ELAVL3: variants seen among roughly 807,000 people sequenced by gnomAD.
ELAVL3 encodes ELAV-like protein 3.
In ELAVL3, 8 loss-of-function variants were observed where a neutral mutation model predicts 34.2. The ratio of observed to expected loss-of-function variants is 0.23; its 90% CI spans 0.14 to 0.42. The LOEUF (loss-of-function observed/expected upper bound fraction) is 0.42. Among genes scored for constraint, ELAVL3 ranks in the 10% least tolerant of loss-of-function variants. ELAVL3 has a pLI of 1.00. For missense variants in ELAVL3, 273 were observed against 518.8 expected (o/e 0.53, Z 4.60); for synonymous variants, 209 against 222.1 (o/e 0.94, Z 0.53).
At chr19:11,460,345 C>T (rs189889659) in intron 3 of ELAVL3, among the ~76,000 whole-genome samples, 126 of 150,278 alleles carry the variant, frequency 8.4e-4, no homozygotes, top group African/African-American at 2.7e-3. Flanking sequence ...CCCCCTGCTC[C>T]CATCCCCCAC....
At position 11,466,515 on chromosome 19, in the gene ELAVL3, G is replaced by A. The variant is rs752020455; in HGVS notation, c.229+93C>T. On this transcript the variant is annotated intron_variant, in intron 2 of 6. Coordinates refer to ENST00000359227, the MANE Select transcript of ELAVL3 (RefSeq NM_001420.4). The surrounding 1 kb of genome is among the most constrained non-coding windows in gnomAD (Gnocchi z 5.0). ...ACCACCTCCTGCCTCGATTACCCCC[G>A]AGACACCTCAGCAAGGGTCCCACCT... The A allele has an allele frequency of 6.3e-6, 9 of 1,424,500 alleles. No homozygotes were observed. The highest frequency in any genetic ancestry group is 2.3e-5 in the East Asian group (1 of 43,760). 88.2% of individuals were successfully genotyped at this position (1,424,500 alleles called of 1,614,324 possible). A position where few individuals can be genotyped will look rare whatever the true frequency, so the allele number is the denominator to read the frequency against.
chr19:11,469,301 A>G (rs1022955968), intron 1 of ELAVL3, among the ~76,000 whole-genome samples: 2 of 150,416 alleles, frequency 1.3e-5, no homozygotes, highest in Non-Finnish European at 3.0e-5. Context: ...GGGAGGGGGG[A>G]CGGAGTTTCG....
chr19:11,463,642 G>A (rs1180610755), intron 3 of ELAVL3, among the ~76,000 whole-genome samples: 2 of 152,056 alleles, frequency 1.3e-5, no homozygotes, highest in Middle Eastern at 3.2e-3. Flanking sequence ...GTCACAGCCG[G>A]AGTCACAGTG....
chr19:11,479,009 G>A (rs1188083794), intron 1 of ELAVL3, among the ~76,000 whole-genome samples: 1 of 152,146 alleles, frequency 6.6e-6, no homozygotes, highest in Non-Finnish European at 1.5e-5. Flanking sequence ...CTGTCCCCAT[G>A]ATACATCTCT....
chr19:11,458,096 G>A lies in ELAVL3; in HGVS notation c.678C>T (p.Tyr226=), dbSNP rs780654110. Residue 226 remains tyrosine, a synonymous_variant, in exon 5 of 7, where the codon TAC becomes TAT. Transcript: ENST00000359227. This position sits in a 1 kb window ranked among gnomAD's most constrained non-coding sequence, Gnocchi z 7.3. ...GGGTCTGATGGTGTAGGGGGCCTGC[G>A]TAGCGCCGGGCGGATGACTGGTAGA... ...THLYQSSARR[Y]AGPLHHQTQR... 8 of 1,613,610 alleles carry A rather than the reference G, an allele frequency of 5.0e-6. No homozygotes were observed. The Admixed American group carries it at 5.0e-5, about 10-fold the overall frequency.
At chr19:11,455,980 T>C (rs951653582) in intron 6 of ELAVL3, among the ~76,000 whole-genome samples, 7 of 152,164 alleles carry the variant, frequency 4.6e-5, no homozygotes, top group African/African-American at 1.4e-4. Context: ...AACTACTCGC[T>C]CCTTCTGGCC....
In ELAVL3 at chr19:11,454,681, G is replaced by A. The variant is rs1407664102; in HGVS notation, c.949C>T (p.Arg317Cys). 2 of 1,614,214 alleles carry A rather than the reference G, an allele frequency of 1.2e-6. No individual in the cohort carries two copies. The highest frequency in any genetic ancestry group is 2.2e-5 in the East Asian group (1 of 44,880). Residue 317 changes from arginine (R) to cysteine (C), a missense_variant, in exon 7 of 7, where the codon CGT becomes TGT. Coordinates refer to ENST00000359227, the MANE Select transcript of ELAVL3 (RefSeq NM_001420.4). The surrounding 1 kb of genome is among the most constrained non-coding windows in gnomAD (Gnocchi z 9.2). ...TTGCACTTGTTGGTGGTGAAATCAC[G>A]GATGACCTTGACGTTGGTGACTGCC... ...FGAVTNVKVI[R>C]DFTTNKCKGF...
Position 11,451,803 on chromosome 19 carries a change from G to GC in ELAVL3, c.*2722_*2723insG, listed in dbSNP as rs1362216125. The GC allele has an allele frequency of 2.7e-5, 4 of 149,980 alleles. No individual in the cohort carries two copies. The highest frequency in any genetic ancestry group is 9.8e-5 in the African/African-American group (4 of 41,000). 9.3% of individuals were successfully genotyped at this position (149,980 alleles called of 1,614,324 possible). On this transcript the variant is annotated 3_prime_UTR_variant, in exon 7 of 7. Coordinates refer to ENST00000359227, the MANE Select transcript of ELAVL3 (RefSeq NM_001420.4). ...GGTGGCAGGGGCCTAGGCCTCGGTG[G>GC]GGGGGGGGTGTGTGGGGAGGTGCCC...
chr19:11,454,449 TTCTCTCTCTCTCTCTCTCTTTC>T lies in ELAVL3; in HGVS notation c.*55_*76del. 3.8e-6 allele frequency: 4 copies of T among 1,053,910 alleles called. No individual in the cohort carries two copies. Among genetic ancestry groups the T allele is most frequent in the Non-Finnish European group, 5.1e-6 (4 of 783,030 alleles). 65.3% of individuals were successfully genotyped at this position (1,053,910 alleles called of 1,614,324 possible). A position where few individuals can be genotyped will look rare whatever the true frequency, so the allele number is the denominator to read the frequency against. On this transcript the variant is annotated 3_prime_UTR_variant, in exon 7 of 7. Transcript: ENST00000359227. This position sits in a 1 kb window ranked among gnomAD's most constrained non-coding sequence, Gnocchi z 9.2. Reference sequence around the variant, plus strand: ...GCCTGTGCTGTCTCTCTTGGGCCCCTTCTCTCTCTCTCTCTCTCTTTCTCTCTCTCTCTCTCTGCTGCCCGGG... The same window carrying T: ...GCCTGTGCTGTCTCTCTTGGGCCCCTTCTCTCTCTCTCTCTGCTGCCCGGG...
chr19:11,471,319 A>T (rs976193412), intron 1 of ELAVL3, among the ~76,000 whole-genome samples: 46 of 130,858 alleles, frequency 3.5e-4, no homozygotes, highest in African/African-American at 1.3e-3. Flanking sequence ...CAAAAAAAAA[A>T]ATTTTTTTTT....
intron 1 of ELAVL3, among the ~76,000 whole-genome samples, chr19:11,479,637 CCCCCGGGG>C (rs1227138778): frequency 6.6e-6 from 1 of 151,404 alleles, no homozygotes; most frequent in Non-Finnish European, 1.5e-5. Flanking sequence ...CGAGGCCGGG[CCCCCGGGG>C]CCCTGGGGGC....
chr19:11,456,249 C>G (rs968280302), intron 6 of ELAVL3, among the ~76,000 whole-genome samples: 2 of 151,664 alleles, frequency 1.3e-5, no homozygotes, highest in Non-Finnish European at 2.9e-5. Flanking sequence ...GGATTACAGG[C>G]GCCTGCCACC....
intron 1 of ELAVL3, among the ~76,000 whole-genome samples, chr19:11,467,404 A>G (rs1335703044): frequency 6.6e-6 from 1 of 152,134 alleles, no homozygotes; most frequent in Non-Finnish European, 1.5e-5. Context: ...CCTGGGCAAC[A>G]GGAGTGAAAT....
In ELAVL3 at chr19:11,466,849, C is replaced by G. The variant is rs1392888867; in HGVS notation, c.10-22G>C. ...TCTGCTGGAGATAACAGGTCGCATC[C>G]GCTCACCGCCCAGTCCCCACACCAG... On this transcript the variant is annotated intron_variant, in intron 1 of 6. Coordinates refer to ENST00000359227, the MANE Select transcript of ELAVL3 (RefSeq NM_001420.4). The surrounding 1 kb of genome is among the most constrained non-coding windows in gnomAD (Gnocchi z 5.0). The G allele has an allele frequency of 5.8e-6, 9 of 1,563,234 alleles. No homozygotes were observed. The highest frequency in any genetic ancestry group is 7.8e-6 in the Non-Finnish European group (9 of 1,151,688).
chr19:11,474,010 C>G (rs569546944), intron 1 of ELAVL3, among the ~76,000 whole-genome samples: 5 of 152,122 alleles, frequency 3.3e-5, no homozygotes, highest in African/African-American at 1.2e-4. Flanking sequence ...ATCCATCATC[C>G]GTACCTCATA....
rs951723227 is a variant in ELAVL3 at position 11,454,975 on chromosome 19, C to A, written c.753-98G>T. The stretch of plus-strand genomic sequence containing the variant: ...TTTATGACCCCTGACTGTGCCATGA[C>A]CTTGGAATGGTGTGACCCCTGCAAT... On this transcript the variant is annotated intron_variant, in intron 6 of 6. Transcript: ENST00000359227. This position sits in a 1 kb window ranked among gnomAD's most constrained non-coding sequence, Gnocchi z 9.2. The A allele has an allele frequency of 2.6e-5, 36 of 1,361,728 alleles. No individual in the cohort carries two copies. Among genetic ancestry groups the A allele is most frequent in the Non-Finnish European group, 3.4e-5 (34 of 1,005,442 alleles). 84.4% of individuals were successfully genotyped at this position (1,361,728 alleles called of 1,614,324 possible).
chr19:11,480,546 TG>T lies in ELAVL3; in HGVS notation c.9+53del. The T allele has an allele frequency of 7.0e-7, 1 of 1,427,824 alleles. No individual in the cohort carries two copies. Among genetic ancestry groups the T allele is most frequent in the Non-Finnish European group, 9.3e-7 (1 of 1,076,498 alleles). 88.4% of individuals were successfully genotyped at this position (1,427,824 alleles called of 1,614,324 possible). On this transcript the variant is annotated intron_variant, in intron 1 of 6. Coordinates refer to ENST00000359227, the MANE Select transcript of ELAVL3 (RefSeq NM_001420.4). This position sits in a 1 kb window ranked among gnomAD's most constrained non-coding sequence, Gnocchi z 6.8. ...GCACCCGCCCAATCTCCGCGGAGCC[TG>T]GGCCCAACTCCTCCCCGTCCCGATT... is the stretch of plus-strand genomic sequence containing the variant.
Position 11,458,340 on chromosome 19 carries a change from C to A in ELAVL3, c.488-54G>T, listed in dbSNP as rs1970813494. 1.9e-6 allele frequency: 3 copies of A among 1,607,086 alleles called. No individual in the cohort carries two copies. The highest frequency in any genetic ancestry group is 2.6e-6 in the Non-Finnish European group (3 of 1,175,908). On this transcript the variant is annotated intron_variant, in intron 4 of 6. Coordinates refer to ENST00000359227, the MANE Select transcript of ELAVL3 (RefSeq NM_001420.4). The surrounding 1 kb of genome is among the most constrained non-coding windows in gnomAD (Gnocchi z 7.3). ...ACGACCCTGTCCCCTCCTGTGTAAC[C>A]CCACTTCTCCCTTCCCTGCTTCATG...
chr19:11,453,140 CA>C lies in ELAVL3; in HGVS notation c.*1385del, dbSNP rs1970690260. 6.7e-6 allele frequency: 1 copy of C among 149,910 alleles called. No individual in the cohort carries two copies. Among genetic ancestry groups the C allele is most frequent in the African/African-American group, 2.5e-5 (1 of 40,032 alleles). The allele number at this position is 149,910 out of a possible 1,614,324, so 9.3% of individuals were successfully genotyped here. On this transcript the variant is annotated 3_prime_UTR_variant, in exon 7 of 7. Coordinates refer to ENST00000359227, the MANE Select transcript of ELAVL3 (RefSeq NM_001420.4). ...AGCTGTGTGGGCCAAGGCCTCGGCC[CA>C]GGGGGAGGCTGAGCCCCGGGGACAG...
Sources: gnomAD v4.1 joint callset for allele counts (sites outside exome capture counted in the v4.1 genomes callset) on GRCh38, gnomAD v4.1.1 for gene constraint, Gnocchi (gnomAD v3.1) non-coding constraint, MANE v1.5 for transcripts, NCBI Gene and HGNC (gene_info 2026-07-23, HGNC 2026-07-21) for gene names.